NDRG2: variants seen among roughly 807,000 people sequenced by gnomAD.
The protein encoded by NDRG2 is NDRG family member 2.
A neutral mutation model predicts 58.2 loss-of-function variants in NDRG2; 34 were observed. The ratio of observed to expected loss-of-function variants is 0.58; its 90% CI spans 0.44 to 0.78. The LOEUF is 0.78. Ranked by LOEUF, NDRG2 falls within the 30% of genes least tolerant of loss-of-function variation. The pLI is 0.00. For synonymous variants in NDRG2, 187 were observed against 175.9 expected (o/e 1.06, Z -0.50); for missense variants, 434 against 471.2 (o/e 0.92, Z 0.73).
At chr14:21,056,937 C>G (rs1213157892) in intron 1 of NDRG2, among the ~76,000 whole-genome samples, 1 of 152,200 alleles carries the variant, frequency 6.6e-6, no homozygotes, top group Admixed American at 6.5e-5. Flanking sequence ...ATGGAAAGAA[C>G]CCAACTCGCC....
upstream of NDRG2, chr14:21,025,072 C>T (rs944029466): frequency 3.9e-5 from 38 of 986,022 alleles, no homozygotes; most frequent in Non-Finnish European, 4.2e-5. The surrounding 1 kb of genome is among the most constrained non-coding windows in gnomAD (Gnocchi z 5.1). Context: ...GCCTTTGACT[C>T]GGGCCCGCCC....
chr14:21,059,847 C>T (rs1172054215), intron 1 of NDRG2, among the ~76,000 whole-genome samples: 1 of 152,144 alleles, frequency 6.6e-6, no homozygotes, highest in Non-Finnish European at 1.5e-5. Flanking sequence ...TTAATGTTTC[C>T]TCTCAATTTC....
At chr14:21,043,637 C>A in intron 1 of NDRG2, 1 of 581,282 alleles carries the variant, frequency 1.7e-6, no homozygotes, top group Non-Finnish European at 3.1e-6. Context: ...AGAGGGATGG[C>A]TTTTCATCTT....
At chr14:21,062,897 A>G (rs1380306543) in intron 1 of NDRG2, among the ~76,000 whole-genome samples, 1 of 151,274 alleles carries the variant, frequency 6.6e-6, no homozygotes, top group African/African-American at 2.4e-5. Context: ...GAGGATCAAT[A>G]GAGCCCGGGT....
upstream of NDRG2, among the ~76,000 whole-genome samples, chr14:21,027,854 A>T (rs1594469209): frequency 6.6e-6 from 1 of 152,310 alleles, no homozygotes; most frequent in East Asian, 1.9e-4. Context: ...GAGAAGTGCA[A>T]CCATGGAATA....
chr14:21,025,710 C>G (rs1475931440), upstream of NDRG2: 5 of 984,966 alleles, frequency 5.1e-6, no homozygotes, highest in Non-Finnish European at 6.0e-6. This position sits in a 1 kb window ranked among gnomAD's most constrained non-coding sequence, Gnocchi z 5.1. Context: ...GACGCCTGCT[C>G]TCCGGCTGCT....
At chr14:21,027,081 G>A (rs151128596), upstream of NDRG2, among the ~76,000 whole-genome samples, 27 of 152,296 alleles carry the variant, frequency 1.8e-4, 1 homozygote, top group East Asian at 5.0e-3. Flanking sequence ...CTGATAAGGG[G>A]CCTACGCAGG....
intron 1 of NDRG2, among the ~76,000 whole-genome samples, chr14:21,057,089 A>C (rs968421414): frequency 1.3e-5 from 2 of 152,208 alleles, no homozygotes; most frequent in African/African-American, 4.8e-5. Context: ...GGGACACCTA[A>C]GCTAGTCCAG....
In NDRG2 at chr14:21,024,205, G is replaced by A; in HGVS notation, c.-182C>T. ...GACTCCCAGGGTCATCAACCTCCTCGGGTCACTAACCCTCCCCAGTGTCTG... is the reference window on the plus strand; with the variant it reads ...GACTCCCAGGGTCATCAACCTCCTCAGGTCACTAACCCTCCCCAGTGTCTG... On this transcript the variant is annotated 5_prime_UTR_variant, in exon 1 of 16. Transcript: ENST00000556147. 1 of 985,418 alleles carries A rather than the reference G, an allele frequency of 1.0e-6. No homozygotes were observed. The highest frequency in any genetic ancestry group is 1.2e-6 in the Non-Finnish European group (1 of 830,008). The allele number at this position is 985,418 out of a possible 1,614,324, so 61.0% of individuals were successfully genotyped here. A position where few individuals can be genotyped will look rare whatever the true frequency, so the allele number is the denominator to read the frequency against.
chr14:21,059,873 A>G (rs1180316667), intron 1 of NDRG2, among the ~76,000 whole-genome samples: 2 of 152,220 alleles, frequency 1.3e-5, no homozygotes, highest in Non-Finnish European at 2.9e-5. Flanking sequence ...TTGTATTGAT[A>G]GATATTCACA....
At chr14:21,046,544 T>TACAC (rs1885158173) in intron 1 of NDRG2, among the ~76,000 whole-genome samples, 2 of 55,738 alleles carry the variant, frequency 3.6e-5, no homozygotes, top group Non-Finnish European at 9.7e-5. Context: ...TCAAAACAAA[T>TACAC]ACATACATAC....
intron 1 of NDRG2, among the ~76,000 whole-genome samples, chr14:21,047,689 T>C (rs1885255964): frequency 6.6e-6 from 1 of 152,142 alleles, no homozygotes; most frequent in Non-Finnish European, 1.5e-5. Flanking sequence ...CTTTGCCCAG[T>C]CTTGTGCAGA....
At chr14:21,059,937 C>T (rs571902596) in intron 1 of NDRG2, among the ~76,000 whole-genome samples, 2 of 152,230 alleles carry the variant, frequency 1.3e-5, no homozygotes, top group South Asian at 4.1e-4. Flanking sequence ...TACCTACATA[C>T]CAACATAAGG....
At chr14:21,048,684 TAGCATG>T (rs1885321228) in intron 1 of NDRG2, among the ~76,000 whole-genome samples, 1 of 152,220 alleles carries the variant, frequency 6.6e-6, no homozygotes, top group Admixed American at 6.5e-5. Context: ...GTACAGTGAC[TAGCATG>T]TAGGGAAAGT....
chr14:21,043,405 A>G (rs1885001958), intron 1 of NDRG2: 2 of 1,612,516 alleles, frequency 1.2e-6, no homozygotes, highest in Non-Finnish European at 1.7e-6. Context: ...AAGCCTCCCC[A>G]GAAAAAGGAC....
intron 1 of NDRG2, among the ~76,000 whole-genome samples, chr14:21,055,853 A>C (rs1227519020): frequency 3.3e-5 from 5 of 152,142 alleles, no homozygotes; most frequent in Admixed American, 3.3e-4. Flanking sequence ...TTCCTGGGAC[A>C]GGGTGGTGGG....
At chr14:21,036,194 A>T (rs1007358651) in intron 1 of NDRG2, 2 of 456,204 alleles carry the variant, frequency 4.4e-6, no homozygotes, top group Admixed American at 2.3e-5. Flanking sequence ...TCCTCAGTGG[A>T]TGCTCTCGTC....
intron 7 of NDRG2, 78 bp from the exon 8 acceptor site, chr14:21,020,660 G>A: frequency 6.3e-7 from 1 of 1,576,742 alleles, no homozygotes; most frequent in Non-Finnish European, 8.7e-7. Context: ...ACCCACTCCT[G>A]GACTCCCACA....
At chr14:21,061,500 A>G (rs756796383) in intron 1 of NDRG2, among the ~76,000 whole-genome samples, 8 of 152,248 alleles carry the variant, frequency 5.3e-5, no homozygotes, top group South Asian at 2.1e-4. Context: ...CACCCATAAA[A>G]CAGGGCTCAG....
Sources: gnomAD v4.1 joint callset for allele counts (sites outside exome capture counted in the v4.1 genomes callset) on GRCh38, gnomAD v4.1.1 for gene constraint, Gnocchi (gnomAD v3.1) non-coding constraint, MANE v1.5 for transcripts, NCBI Gene and HGNC (gene_info 2026-07-23, HGNC 2026-07-21) for gene names.